SEC16B: variants seen among roughly 807,000 people sequenced by gnomAD.
The protein encoded by SEC16B is SEC16 homolog B, endoplasmic reticulum export factor, also known as protein transport protein Sec16B.
SEC16B carries 115 observed loss-of-function variants against 141.8 expected under a neutral mutation model. The ratio of observed to expected loss-of-function variants is 0.81; its 90% CI spans 0.70 to 0.95. The LOEUF (loss-of-function observed/expected upper bound fraction) is 0.95. Among genes scored for constraint, SEC16B ranks in the 40% least tolerant of loss-of-function variants. SEC16B has a pLI of 0.00. For missense variants in SEC16B, 1,291 were observed against 1,312.3 expected (o/e 0.98, Z 0.25); for synonymous variants, 493 against 492.5 (o/e 1.00, Z -0.01).
intron 1 of SEC16B, among the ~76,000 whole-genome samples, chr1:177,977,267 T>C (rs1363840650): frequency 6.6e-6 from 1 of 152,036 alleles, no homozygotes; most frequent in Non-Finnish European, 1.5e-5. Context: ...GAAGCAGACA[T>C]TCAGATACAC....
chr1:177,939,972 G>A (rs1419893411), intron 17 of SEC16B, among the ~76,000 whole-genome samples, 195 bp from the exon 18 acceptor site: 3 of 152,154 alleles, frequency 2.0e-5, no homozygotes, highest in African/African-American at 7.2e-5. Context: ...AGGCAGAGAT[G>A]GCTGGAGACC....
intron 13 of SEC16B, 33 bp downstream of exon 13, chr1:177,947,792 G>A: frequency 7.1e-7 from 1 of 1,401,702 alleles, no homozygotes; most frequent in Non-Finnish European, 9.9e-7. Flanking sequence ...GGGACAGGGA[G>A]GGGAGCGGAG....
chr1:177,960,315 T>G (rs774211856), intron 8 of SEC16B, 27 bp downstream of exon 8: 31 of 1,495,112 alleles, frequency 2.1e-5, no homozygotes, highest in Non-Finnish European at 2.6e-5. Context: ...CAAAAGCCCT[T>G]ACTCAGCAGC....
chr1:177,968,655 T>G (rs1307633908), intron 1 of SEC16B, among the ~76,000 whole-genome samples: 1 of 152,202 alleles, frequency 6.6e-6, no homozygotes, highest in Non-Finnish European at 1.5e-5. Context: ...ATTAGGGTAG[T>G]ATGAGTGGCT....
intron 22 of SEC16B, 51 bp downstream of exon 22, chr1:177,933,163 C>A: frequency 6.9e-7 from 1 of 1,442,522 alleles, no homozygotes; most frequent in Admixed American, 2.0e-5. Context: ...GAGGCAGCTC[C>A]CTCTGAAAGA....
chr1:177,935,431 A>G (rs1650763147), intron 20 of SEC16B, among the ~76,000 whole-genome samples: 1 of 152,224 alleles, frequency 6.6e-6, no homozygotes, highest in South Asian at 2.1e-4. Context: ...AGTGTTAAGT[A>G]ACAGATATGA....
At chr1:177,968,552 T>C (rs1031676422) in intron 1 of SEC16B, among the ~76,000 whole-genome samples, 1 of 152,198 alleles carries the variant, frequency 6.6e-6, no homozygotes, top group East Asian at 1.9e-4. Context: ...TGCAAGGTTA[T>C]TGACAGAGTT....
At chr1:177,942,229 C>A (rs1372638352) in intron 15 of SEC16B, among the ~76,000 whole-genome samples, 189 bp from the exon 16 acceptor site, 1 of 152,220 alleles carries the variant, frequency 6.6e-6, no homozygotes, top group Non-Finnish European at 1.5e-5. Flanking sequence ...GCCTGCAGTT[C>A]CTGCATTACA....
At position 177,947,880 on chromosome 1, in the gene SEC16B, C is replaced by A; in HGVS notation, c.1608G>T (p.Gln536His). ...GCTGATACAGCTCTGGGTCCCCAGC[C>A]TGATTCGACAGAATCACAGCCAAGT... ...RPHLAVILSN[Q>H]AGDPELYQRA... The change falls in exon 13 of 26, where the codon CAG (glutamine) becomes CAT (histidine). Residue 536 changes from glutamine to histidine, a missense_variant. Around this residue, in one of 3 missense-constraint regions of SEC16B, gnomAD observed 681 missense variants for 675.5 expected, o/e 1.01. Transcript: ENST00000308284. The A allele has an allele frequency of 6.4e-7, 1 of 1,560,872 alleles. No individual in the cohort carries two copies. The highest frequency in any genetic ancestry group is 8.7e-7 in the Non-Finnish European group (1 of 1,152,614).
intron 9 of SEC16B, 173 bp from the exon 10 acceptor site, chr1:177,958,535 A>G: frequency 1.6e-6 from 1 of 609,000 alleles, no homozygotes; most frequent in Non-Finnish European, 2.8e-6. Context: ...CATCACTATC[A>G]TGGTTATTTT....
At chr1:177,947,167 T>C (rs972633224) in intron 13 of SEC16B, among the ~76,000 whole-genome samples, 6 of 152,122 alleles carry the variant, frequency 3.9e-5, no homozygotes, top group Admixed American at 2.0e-4. Context: ...AACAGAGCAA[T>C]ATTTTAAAAA....
chr1:177,944,036 C>T lies in SEC16B; in HGVS notation c.1881+525G>A, dbSNP rs978249415. ...TCATGTAGAAACGTTGAGAAGAGGG[C>T]GGAAACCACAGTATGGACACCACCC... On this transcript the variant is annotated intron_variant, in intron 15 of 25. Transcript: ENST00000308284. 2.8e-4 allele frequency among the ~76,000 whole-genome samples: 43 copies of T among 152,240 alleles called. 1 individual carries two copies. The highest frequency in any genetic ancestry group is 9.4e-4 in the African/African-American group (39 of 41,552).
intron 1 of SEC16B, among the ~76,000 whole-genome samples, chr1:177,981,714 C>T (rs1654423907): frequency 6.6e-6 from 1 of 152,104 alleles, no homozygotes. Context: ...AGGCAGCCAA[C>T]TAAGAGAAAG....
intron 17 of SEC16B, 90 bp downstream of exon 17, chr1:177,940,520 A>C: frequency 1.2e-6 from 1 of 866,462 alleles, no homozygotes; most frequent in Non-Finnish European, 1.9e-6. Flanking sequence ...GGGACTTGCT[A>C]ATGTCAGTGC....
upstream of SEC16B, among the ~76,000 whole-genome samples, chr1:177,974,515 T>C (rs1192554962): frequency 1.3e-5 from 2 of 152,128 alleles, no homozygotes; most frequent in Non-Finnish European, 2.9e-5. Context: ...TGGTCAACAA[T>C]GCCAAACCTA....
upstream of SEC16B, chr1:177,971,506 T>G (rs141892980): frequency 1.3e-5 from 2 of 152,138 alleles, no homozygotes; most frequent in African/African-American, 2.4e-5. Context: ...GGAATCAGAA[T>G]GTGGGTGATG....
rs1468295147 is a variant in SEC16B, at chr1:177,937,405, C to G, written c.2312G>C (p.Ser771Thr). The G allele has an allele frequency of 1.2e-6, 2 of 1,611,016 alleles. No homozygotes were observed. The highest frequency in any genetic ancestry group is 2.2e-5 in the South Asian group (2 of 90,356). Residue 771 changes from serine to threonine, a missense_variant, in exon 19 of 26, where the codon AGC becomes ACC. This residue lies in a region of SEC16B where 605 missense variants were observed against 614.1 expected (regional missense o/e 0.99). Transcript: ENST00000308284. ...TPEQTCLLQP[S>T]PQQPFPLQPG... Reference sequence around the variant, plus strand: ...CTGGAGGGGAAAGGGCTGCTGTGGGCTGGGCTGGAGCAGGCAGGTCTGCTC... The same window carrying G: ...CTGGAGGGGAAAGGGCTGCTGTGGGGTGGGCTGGAGCAGGCAGGTCTGCTC...
At chr1:177,948,041 A>G in intron 12 of SEC16B, 99 bp from the exon 13 acceptor site, 1 of 956,440 alleles carries the variant, frequency 1.0e-6, no homozygotes, top group Admixed American at 2.1e-5. Context: ...AAGTGGTCAG[A>G]GAATGCCCAC....
rs769306136 is a variant in SEC16B at position 177,929,905 on chromosome 1, G to T, written c.3136C>A (p.Arg1046=). The T allele has an allele frequency of 1.9e-6, 3 of 1,613,872 alleles. No homozygotes were observed. The highest frequency in any genetic ancestry group is 3.3e-5 in the Admixed American group (2 of 60,010). The part of the protein sequence containing the change: ...PQLPTATSLN[R]PNRLAQRRYP... ...CGACGCTGAGCTAGGCGATTTGGCC[G>T]ATTCAGGCTAGTGGCCGTGGGCAGC... The change falls in exon 26 of 26, where the codon CGG becomes AGG. Residue 1046 remains arginine (R), a synonymous_variant. Transcript: ENST00000308284.
Sources: gnomAD v4.1 joint callset for allele counts (sites outside exome capture counted in the v4.1 genomes callset) on GRCh38, gnomAD v4.1.1 for gene constraint, gnomAD v4.1.1 regional missense constraint, MANE v1.5 for transcripts, NCBI Gene and HGNC (gene_info 2026-07-23, HGNC 2026-07-21) for gene names.